The following SNX29 variants were observed in gnomAD, a reference collection of about 807,000 sequenced individuals.
SNX29 encodes sorting nexin-29.
SNX29 carries 78 observed loss-of-function variants against 102.1 expected under a neutral mutation model. The ratio of observed to expected loss-of-function variants is 0.76; its 90% CI spans 0.64 to 0.92. The LOEUF is 0.92. Among genes scored for constraint, SNX29 ranks in the 40% least tolerant of loss-of-function variants. SNX29 has a pLI of 0.00. For synonymous variants in SNX29, 580 were observed against 414.5 expected (o/e 1.40, Z -4.85); for missense variants, 1,280 against 1,061.7 (o/e 1.21, Z -2.86).
At chr16:12,540,798 A>C (rs150169786) in intron 20 of SNX29, among the ~76,000 whole-genome samples, 1 of 152,306 alleles carries the variant, frequency 6.6e-6, no homozygotes, top group East Asian at 1.9e-4. Context: ...AGGACTGCTC[A>C]AGGCTGAGGC....
intron 20 of SNX29, among the ~76,000 whole-genome samples, chr16:12,559,457 T>G (rs1199197232): frequency 1.3e-5 from 2 of 151,726 alleles, no homozygotes; most frequent in Non-Finnish European, 2.9e-5. Flanking sequence ...TTCTACATTA[T>G]GGTGAGTTGT....
At chr16:12,195,965 T>C (rs1430390197) in intron 13 of SNX29, among the ~76,000 whole-genome samples, 2 of 151,390 alleles carry the variant, frequency 1.3e-5, no homozygotes, top group African/African-American at 4.9e-5. Flanking sequence ...ATTAGCCTCA[T>C]TGAGCCTCAG....
chr16:11,981,130 G>A (rs2055404498), intron 1 of SNX29, among the ~76,000 whole-genome samples: 2 of 151,968 alleles, frequency 1.3e-5, no homozygotes, highest in Non-Finnish European at 2.9e-5. Context: ...CCCACACCCA[G>A]CTAACTTTTT....
Position 12,361,863 on chromosome 16 carries a change from T to A in SNX29, c.1899+5584T>A, listed in dbSNP as rs2082309073. ...AAATTTCTTCCTTTCTCTTACCCCCTGATTTTCCTACCTGGAATCTGTAAC... is the reference window on the plus strand; with the variant it reads ...AAATTTCTTCCTTTCTCTTACCCCCAGATTTTCCTACCTGGAATCTGTAAC... On this transcript the variant is annotated intron_variant, in intron 16 of 20. Coordinates refer to ENST00000566228, the MANE Select transcript of SNX29 (RefSeq NM_032167.5). Among the ~76,000 whole-genome samples, 6 of 151,748 alleles carry A rather than the reference T, an allele frequency of 4.0e-5. No individual in the cohort carries two copies. The South Asian group carries it at 1.2e-3, about 31-fold the overall frequency.
chr16:12,440,284 T>C (rs1259040817), intron 18 of SNX29, among the ~76,000 whole-genome samples: 2 of 152,152 alleles, frequency 1.3e-5, no homozygotes, highest in South Asian at 2.1e-4. Context: ...TCAGTCACTT[T>C]TTAGGATATT....
intron 14 of SNX29, among the ~76,000 whole-genome samples, chr16:12,210,571 C>T (rs879764923): frequency 6.6e-6 from 1 of 151,994 alleles, no homozygotes; most frequent in Non-Finnish European, 1.5e-5. Flanking sequence ...TGAATCCAGC[C>T]AGGCCTGAAG....
intron 18 of SNX29, among the ~76,000 whole-genome samples, chr16:12,433,479 C>A (rs895275469): frequency 6.6e-6 from 1 of 151,764 alleles, no homozygotes; most frequent in Non-Finnish European, 1.5e-5. Flanking sequence ...AAAAATAGAA[C>A]AATTAGCCTG....
intron 13 of SNX29, among the ~76,000 whole-genome samples, chr16:12,150,091 C>G (rs1274642114): frequency 6.6e-6 from 1 of 152,004 alleles, no homozygotes; most frequent in Non-Finnish European, 1.5e-5. Context: ...AGTTTGGCCT[C>G]GGTTCTGTGG....
chr16:12,400,011 C>G (rs777081764), intron 17 of SNX29, among the ~76,000 whole-genome samples: 1 of 152,144 alleles, frequency 6.6e-6, no homozygotes, highest in African/African-American at 2.4e-5. Context: ...GGTGTCCGGG[C>G]AGGTCCCTAA....
chr16:12,481,513 G>GAC (rs59650769), intron 19 of SNX29, among the ~76,000 whole-genome samples: 16,804 of 125,410 alleles, frequency 0.13, 996 homozygotes, highest in Non-Finnish European at 0.15. Context: ...TATACATATA[G>GAC]ACACACACAC....
At chr16:12,402,326 G>A (rs188907204) in intron 17 of SNX29, among the ~76,000 whole-genome samples, 103 of 152,304 alleles carry the variant, frequency 6.8e-4, no homozygotes, top group Admixed American at 4.3e-3. Flanking sequence ...ACATTGAGTC[G>A]TGGAATCTTC....
At chr16:12,360,243 G>T (rs1386636090) in intron 16 of SNX29, among the ~76,000 whole-genome samples, 2 of 152,206 alleles carry the variant, frequency 1.3e-5, no homozygotes, top group Non-Finnish European at 2.9e-5. Context: ...CCCTGATAAA[G>T]TTCATATAGT....
At chr16:12,037,189 G>A (rs1208916004) in intron 4 of SNX29, among the ~76,000 whole-genome samples, 1 of 152,208 alleles carries the variant, frequency 6.6e-6, no homozygotes, top group Non-Finnish European at 1.5e-5. Context: ...CAGTGACTCA[G>A]CTCTGCCACT....
intron 20 of SNX29, among the ~76,000 whole-genome samples, chr16:12,550,725 G>C (rs549693640): frequency 6.6e-6 from 1 of 152,226 alleles, no homozygotes; most frequent in East Asian, 1.9e-4. Context: ...CTACACTCCT[G>C]TGTTGCCTAT....
intron 18 of SNX29, among the ~76,000 whole-genome samples, chr16:12,438,490 T>C (rs560998971): frequency 6.6e-6 from 1 of 152,314 alleles, no homozygotes; most frequent in African/African-American, 2.4e-5. Flanking sequence ...AGTGATCATT[T>C]GATCTCAACC....
chr16:12,133,997 G>T (rs536009290), intron 13 of SNX29, among the ~76,000 whole-genome samples: 40 of 152,184 alleles, frequency 2.6e-4, no homozygotes, highest in Non-Finnish European at 4.6e-4. Context: ...TAACTAGCCT[G>T]GTGCTTTTTG....
rs141767570 is a variant in SNX29 at position 12,377,063 on chromosome 16, C to T, written c.1899+20784C>T. On this transcript the variant is annotated intron_variant, in intron 16 of 20. Coordinates refer to ENST00000566228, the MANE Select transcript of SNX29 (RefSeq NM_032167.5). The stretch of plus-strand genomic sequence containing the variant: ...AGCCCCAAATCAGCTGGGGTGAAGA[C>T]GGGGATCAAGGACCTGGGAAAGAAT... Among the ~76,000 whole-genome samples the T allele has an allele frequency of 2.6e-3, 396 of 152,172 alleles. 1 individual carries two copies. Among genetic ancestry groups the T allele is most frequent in the African/African-American group, 9.2e-3 (383 of 41,502 alleles).
At chr16:12,033,610 CTTTTTT>C (rs869128492) in intron 4 of SNX29, among the ~76,000 whole-genome samples, 2 of 140,118 alleles carry the variant, frequency 1.4e-5, no homozygotes, top group Non-Finnish European at 3.1e-5. Flanking sequence ...TTTCTTTTTT[CTTTTTT>C]TTTTTTTTTG....
At position 12,571,545 on chromosome 16, in the gene SNX29, G is replaced by T; in HGVS notation, c.*2916G>T. The T allele has an allele frequency of 2.1e-6, 2 of 938,514 alleles. No homozygotes were observed. The highest frequency in any genetic ancestry group is 5.2e-5 in the East Asian group (1 of 19,332). The allele number at this position is 938,514 out of a possible 1,614,324, so 58.1% of individuals were successfully genotyped here. A position where few individuals can be genotyped will look rare whatever the true frequency, so the allele number is the denominator to read the frequency against. On this transcript the variant is annotated 3_prime_UTR_variant, in exon 21 of 21. Coordinates refer to ENST00000566228, the MANE Select transcript of SNX29 (RefSeq NM_032167.5). ...TTCCTGGGACCACCCTTTGCTGGGAGGAAGAATCCACACCGAATCCTTCTG... is the reference window on the plus strand; with the variant it reads ...TTCCTGGGACCACCCTTTGCTGGGATGAAGAATCCACACCGAATCCTTCTG...
Sources: gnomAD v4.1 joint callset for allele counts (sites outside exome capture counted in the v4.1 genomes callset) on GRCh38, gnomAD v4.1.1 for gene constraint, MANE v1.5 for transcripts, NCBI Gene and HGNC (gene_info 2026-07-23, HGNC 2026-07-21) for gene names.